TENM4: variants seen among roughly 807,000 people sequenced by gnomAD.
TENM4 encodes teneurin transmembrane protein 4.
TENM4 carries 82 observed loss-of-function variants against 243.3 expected under a neutral mutation model. That is an observed-to-expected ratio of 0.34 (90% CI 0.28 to 0.40). The LOEUF is 0.40. Ranked by LOEUF, TENM4 falls within the 10% of genes least tolerant of loss-of-function variation. The pLI is 1.00. For synonymous variants in TENM4, 1,412 were observed against 1,456.3 expected, an observed-to-expected ratio of 0.97 and a Z score of 0.69; for missense variants, 3,138 against 3,673.3, an observed-to-expected ratio of 0.85 and a Z score of 3.77.
intron 9 of TENM4, among the ~76,000 whole-genome samples, chr11:78,880,066 T>C (rs551844225): frequency 3.7e-4 from 57 of 152,314 alleles, no homozygotes; most frequent in African/African-American, 1.3e-3. Flanking sequence ...TGTGTCTGTG[T>C]AGAAAGAAGT....
intron 1 of TENM4, among the ~76,000 whole-genome samples, chr11:79,386,391 A>G (rs1199390215): frequency 2.0e-5 from 3 of 152,228 alleles, no homozygotes; most frequent in Non-Finnish European, 4.4e-5. Flanking sequence ...TGTGCTAATC[A>G]AAAAGGAAAA....
chr11:79,201,557 T>C (rs1268747756), intron 3 of TENM4, among the ~76,000 whole-genome samples: 1 of 152,030 alleles, frequency 6.6e-6, no homozygotes, highest in Non-Finnish European at 1.5e-5. Context: ...CACACATTTA[T>C]TGGGTACCTA....
chr11:78,718,592 A>C (rs1859573475), intron 25 of TENM4, among the ~76,000 whole-genome samples: 1 of 152,150 alleles, frequency 6.6e-6, no homozygotes, highest in African/African-American at 2.4e-5. Context: ...CGCCACCACT[A>C]ACTGAATGTT....
chr11:79,424,648 CA>C (rs1354144403), intron 1 of TENM4, among the ~76,000 whole-genome samples: 1 of 141,166 alleles, frequency 7.1e-6, no homozygotes, highest in African/African-American at 2.7e-5. Context: ...AAAAAAAATA[CA>C]AAAAGGCTGG....
intron 7 of TENM4, among the ~76,000 whole-genome samples, chr11:78,895,465 C>A (rs1591108433): frequency 1.3e-5 from 2 of 152,166 alleles, no homozygotes; most frequent in East Asian, 3.9e-4. Context: ...GCCCTGCCCT[C>A]ATACCCATAC....
intron 6 of TENM4, among the ~76,000 whole-genome samples, chr11:79,009,486 T>A (rs1858586023): frequency 6.6e-6 from 1 of 152,206 alleles, no homozygotes; most frequent in African/African-American, 2.4e-5. Flanking sequence ...CACCTGCGAC[T>A]AGAGTCCAAG....
chr11:79,299,040 T>C (rs1856507029), intron 1 of TENM4, among the ~76,000 whole-genome samples: 2 of 151,154 alleles, frequency 1.3e-5, no homozygotes, highest in African/African-American at 4.9e-5. Flanking sequence ...ATCTAGGAAG[T>C]CATAGGTGTG....
chr11:78,666,198 T>A (rs1858156256), intron 32 of TENM4, among the ~76,000 whole-genome samples: 1 of 152,242 alleles, frequency 6.6e-6, no homozygotes, highest in African/African-American at 2.4e-5. Context: ...AAACTGCTTA[T>A]ATGAAATCTC....
chr11:79,063,268 T>C (rs1396329815), intron 6 of TENM4, among the ~76,000 whole-genome samples: 1 of 152,166 alleles, frequency 6.6e-6, no homozygotes, highest in Admixed American at 6.5e-5. Context: ...AGCCTCCTCT[T>C]CAGAGACTAA....
At chr11:79,261,026 A>G (rs1855786844) in intron 2 of TENM4, among the ~76,000 whole-genome samples, 1 of 152,210 alleles carries the variant, frequency 6.6e-6, no homozygotes, top group Non-Finnish European at 1.5e-5. Flanking sequence ...ATTTGTGATA[A>G]CCTGGGTTCT....
rs1225451045 is a variant in TENM4 at position 79,137,289 on chromosome 11, T to C, written c.-66+11421A>G. ...ACAGTGTTGGCTGGGGTGACTGACC[T>C]GGATTATCAAGATGAAATCAGTCTG... On this transcript the variant is annotated intron_variant, in intron 4 of 33. Transcript: ENST00000278550. 3.3e-5 allele frequency among the ~76,000 whole-genome samples: 5 copies of C among 152,160 alleles called. No individual in the cohort carries two copies. In the East Asian group the frequency reaches 5.8e-4, roughly 18 times the overall value.
intron 6 of TENM4, among the ~76,000 whole-genome samples, chr11:78,923,956 G>T (rs1209859297): frequency 6.6e-6 from 1 of 151,510 alleles, no homozygotes; most frequent in African/African-American, 2.4e-5. Context: ...CCAGGATCAA[G>T]CGATTCTCCT....
At chr11:79,143,126 C>T (rs1335650190) in intron 4 of TENM4, among the ~76,000 whole-genome samples, 1 of 152,068 alleles carries the variant, frequency 6.6e-6, no homozygotes, top group Non-Finnish European at 1.5e-5. Context: ...GGTGATTCCT[C>T]AAGGATCTAG....
intron 3 of TENM4, among the ~76,000 whole-genome samples, chr11:79,211,347 T>A (rs1050481928): frequency 6.6e-6 from 1 of 152,232 alleles, no homozygotes; most frequent in Admixed American, 6.5e-5. Context: ...GATTCACGGT[T>A]GACTTCCTCC....
At chr11:79,435,236 G>GA (rs199733204) in intron 1 of TENM4, among the ~76,000 whole-genome samples, 23 of 150,746 alleles carry the variant, frequency 1.5e-4, no homozygotes, top group Middle Eastern at 3.4e-3. Context: ...GACTGTAAAA[G>GA]AAAAAAAAAG....
intron 3 of TENM4, among the ~76,000 whole-genome samples, chr11:79,205,916 A>C (rs751378629): frequency 3.9e-5 from 6 of 152,240 alleles, no homozygotes; most frequent in Non-Finnish European, 7.3e-5. Context: ...CACCGTGCTG[A>C]GAAGAGGGTA....
At chr11:79,044,826 C>T (rs1416277417) in intron 6 of TENM4, among the ~76,000 whole-genome samples, 3 of 152,188 alleles carry the variant, frequency 2.0e-5, no homozygotes, top group Non-Finnish European at 4.4e-5. Context: ...TAACCCCAAA[C>T]ACATTTGTAT....
intron 6 of TENM4, among the ~76,000 whole-genome samples, chr11:79,004,849 A>G (rs1014494981): frequency 5.4e-5 from 8 of 148,686 alleles, no homozygotes; most frequent in Non-Finnish European, 1.2e-4. Context: ...ACAAGCTGCT[A>G]GCTAGGCTAA....
intron 2 of TENM4, among the ~76,000 whole-genome samples, chr11:79,224,361 C>T (rs564961813): frequency 3.9e-4 from 60 of 152,124 alleles, no homozygotes; most frequent in African/African-American, 1.4e-3. Flanking sequence ...GAGACCAGAA[C>T]CTGATCAAAG....
Sources: allele counts gnomAD v4.1 joint callset (sites outside exome capture counted in the v4.1 genomes callset), GRCh38; gene constraint gnomAD v4.1.1; transcripts MANE v1.5; gene names NCBI Gene and HGNC (gene_info 2026-07-23, HGNC 2026-07-21).